The following KRT80 variants were observed in gnomAD, a reference collection of about 807,000 sequenced individuals.
KRT80 encodes keratin 80.
Under a neutral mutation model 51.5 loss-of-function variants are expected in KRT80, and 36 were observed. The ratio of observed to expected loss-of-function variants is 0.70; its 90% CI spans 0.54 to 0.92. The LOEUF is 0.92. Ranked by LOEUF, KRT80 falls within the 40% of genes least tolerant of loss-of-function variation. KRT80 has a pLI of 0.00. For missense variants in KRT80, 566 were observed against 591.7 expected (o/e 0.96, Z 0.45); for synonymous variants, 235 against 248.3 (o/e 0.95, Z 0.50).
rs1941044309 is a variant in KRT80, at chr12:52,169,221, A to T, written c.*2177T>A. 6.6e-6 allele frequency: 1 copy of T among 152,216 alleles called. No individual in the cohort carries two copies. The highest frequency in any genetic ancestry group is 1.5e-5 in the Non-Finnish European group (1 of 68,032). The allele number at this position is 152,216 out of a possible 1,614,324, so 9.4% of individuals were successfully genotyped here. A position where few individuals can be genotyped will look rare whatever the true frequency, so the allele number is the denominator to read the frequency against. ...TTGAGTGAGAACTCACTCATCACCA[A>T]GGAGATGGTGCTGAGCCATTCATGA... On this transcript the variant is annotated 3_prime_UTR_variant, in exon 9 of 9. Transcript: ENST00000394815.
intron 1 of KRT80, chr12:52,185,810 G>A (rs1047523318): frequency 1.0e-6 from 1 of 975,196 alleles, no homozygotes; most frequent in African/African-American, 1.6e-5. Context: ...GAGCCAATTA[G>A]CAAAGGTTTC....
At chr12:52,181,049 G>T in intron 2 of KRT80, 86 bp from the exon 3 acceptor site, 2 of 1,026,510 alleles carry the variant, frequency 1.9e-6, no homozygotes, top group East Asian at 2.6e-5. Context: ...CAGGGCCTGT[G>T]CTATCCCACT....
chr12:52,184,983 A>G (rs1032741775), intron 2 of KRT80, among the ~76,000 whole-genome samples: 2 of 152,194 alleles, frequency 1.3e-5, no homozygotes, highest in African/African-American at 4.8e-5. Flanking sequence ...ACAGAAACCC[A>G]TCTGTTCTAG....
chr12:52,177,446 C>T (rs750292771), intron 4 of KRT80, among the ~76,000 whole-genome samples: 9 of 151,936 alleles, frequency 5.9e-5, no homozygotes, highest in Non-Finnish European at 8.8e-5. Context: ...GGTGGCATTC[C>T]GACTGGATGC....
At position 52,180,803 on chromosome 12, in the gene KRT80, G is replaced by A. The variant is rs1941307041; in HGVS notation, c.570+100C>T. On this transcript the variant is annotated intron_variant, in intron 3 of 8. Coordinates refer to ENST00000394815, the MANE Select transcript of KRT80 (RefSeq NM_182507.3). ...TGTTGGTCCTGGGACTTAAGCCTCTGAGGGCTTTGATTGGGCATAAAGGAG... is the reference window on the plus strand; with the variant it reads ...TGTTGGTCCTGGGACTTAAGCCTCTAAGGGCTTTGATTGGGCATAAAGGAG... The A allele has an allele frequency of 1.9e-6, 3 of 1,598,370 alleles. No homozygotes were observed. The East Asian group carries it at 6.8e-5, about 36-fold the overall frequency.
chr12:52,172,094 G>C, intron 7 of KRT80, 104 bp downstream of exon 7: 1 of 1,283,124 alleles, frequency 7.8e-7, no homozygotes, highest in South Asian at 1.4e-5. Context: ...CCCAGGCCTG[G>C]TAGGCTCACT....
chr12:52,188,933 G>A (rs1369815704), intron 1 of KRT80, among the ~76,000 whole-genome samples: 1 of 152,172 alleles, frequency 6.6e-6, no homozygotes, highest in Non-Finnish European at 1.5e-5. Flanking sequence ...CATGACTGTT[G>A]CCTTACCAGT....
At chr12:52,185,211 A>G (rs898048359) in intron 2 of KRT80, among the ~76,000 whole-genome samples, 168 bp downstream of exon 2, 1 of 152,244 alleles carries the variant, frequency 6.6e-6, no homozygotes, top group African/African-American at 2.4e-5. Flanking sequence ...CCATATCCTC[A>G]GTATTTAGAA....
intron 1 of KRT80, 52 bp downstream of exon 1, chr12:52,191,551 C>T (rs1430599133): frequency 2.5e-5 from 37 of 1,503,440 alleles, no homozygotes; most frequent in Non-Finnish European, 2.7e-5. Context: ...AGCTCAGCTA[C>T]CGGCCCAGGC....
intron 1 of KRT80, among the ~76,000 whole-genome samples, chr12:52,189,873 A>G (rs1156491380): frequency 1.3e-5 from 2 of 152,220 alleles, no homozygotes; most frequent in African/African-American, 4.8e-5. Context: ...CCCTGTGCTT[A>G]TATCCTCCCA....
At chr12:52,178,303 C>T (rs1941265689) in intron 4 of KRT80, among the ~76,000 whole-genome samples, 1 of 152,252 alleles carries the variant, frequency 6.6e-6, no homozygotes, top group African/African-American at 2.4e-5. Flanking sequence ...CTGTCACACT[C>T]AGAATGAGGT....
At chr12:52,175,989 A>C (rs1941212846) in intron 4 of KRT80, among the ~76,000 whole-genome samples, 1 of 152,174 alleles carries the variant, frequency 6.6e-6, no homozygotes, top group Non-Finnish European at 1.5e-5. Context: ...AGAGCCCTCC[A>C]GTGTGCTTCT....
At chr12:52,180,880 C>G (rs368200160) in intron 3 of KRT80, 23 bp downstream of exon 3, 1 of 1,603,150 alleles carries the variant, frequency 6.2e-7, no homozygotes. Flanking sequence ...GAAGGAGCCC[C>G]TGGGGCAGGC....
In KRT80 at chr12:52,191,842, C is replaced by T; in HGVS notation, c.61G>A (p.Val21Met). The change falls in exon 1 of 9, where the codon GTG becomes ATG. Residue 21 changes from valine (V) to methionine (M), a missense_variant. Val to Met is a conservative substitution (Grantham distance 21). Transcript: ENST00000394815. ...SSLSSCEVTP[V>M]GSPRPGTSGW... ...GAGGTTCCAGGCCGGGGGCTGCCCA[C>T]CGGGGTCACCTCACAGCTGCTGAGG... The T allele has an allele frequency of 6.4e-7, 1 of 1,572,610 alleles. No individual in the cohort carries two copies. The highest frequency in any genetic ancestry group is 1.1e-5 in the South Asian group (1 of 87,298).
chr12:52,171,797 C>A, intron 7 of KRT80, 84 bp from the exon 8 acceptor site: 2 of 932,536 alleles, frequency 2.1e-6, no homozygotes, highest in South Asian at 3.1e-5. Flanking sequence ...TGGGGGCTGG[C>A]AAGTGGAGGG....
At chr12:52,178,060 A>T (rs533700772) in intron 4 of KRT80, among the ~76,000 whole-genome samples, 1 of 152,304 alleles carries the variant, frequency 6.6e-6, no homozygotes, top group East Asian at 1.9e-4. Context: ...TGTGGGGAAT[A>T]GTTTTGGCAA....
At chr12:52,180,855 C>T (rs767721970) in intron 3 of KRT80, 48 bp downstream of exon 3, 2 of 1,610,968 alleles carry the variant, frequency 1.2e-6, no homozygotes, top group South Asian at 2.2e-5. Flanking sequence ...GGAAAGAGGG[C>T]CCAGGGCCCA....
At chr12:52,173,467 G>A in intron 5 of KRT80, 133 bp downstream of exon 5, 1 of 758,942 alleles carries the variant, frequency 1.3e-6, no homozygotes, top group Non-Finnish European at 2.2e-6. Context: ...CCGTCCCTGT[G>A]CTTCTCCATT....
chr12:52,181,742 G>T (rs1218942944), intron 2 of KRT80, among the ~76,000 whole-genome samples: 1 of 152,068 alleles, frequency 6.6e-6, no homozygotes, highest in Admixed American at 6.5e-5. Context: ...GGGTGGGGAG[G>T]ACAGGACCCC....
Sources: allele counts gnomAD v4.1 joint callset (sites outside exome capture counted in the v4.1 genomes callset), GRCh38; gene constraint gnomAD v4.1.1; transcripts MANE v1.5; gene names NCBI Gene and HGNC (gene_info 2026-07-23, HGNC 2026-07-21).